VAV3: variants seen among roughly 807,000 people sequenced by gnomAD.
VAV3 encodes vav guanine nucleotide exchange factor 3.
A neutral mutation model predicts 131.2 loss-of-function variants in VAV3; 94 were observed. That is an observed-to-expected ratio of 0.72 (90% CI 0.61 to 0.85). The LOEUF is 0.85. Ranked by LOEUF, VAV3 falls within the 40% of genes least tolerant of loss-of-function variation. VAV3 has a pLI of 0.00. For missense variants in VAV3, 939 were observed against 1,002.7 expected, an observed-to-expected ratio of 0.94 and a Z score of 0.86; for synonymous variants, 349 against 342.0, an observed-to-expected ratio of 1.02 and a Z score of -0.22.
intron 2 of VAV3, among the ~76,000 whole-genome samples, chr1:107,834,267 A>G (rs1571016973): frequency 6.6e-6 from 1 of 152,060 alleles, no homozygotes; most frequent in Admixed American, 6.5e-5. Flanking sequence ...AACCACATAT[A>G]CCTGTTCTGA....
intron 25 of VAV3, among the ~76,000 whole-genome samples, chr1:107,588,844 A>G (rs2101040960): frequency 6.6e-6 from 1 of 152,296 alleles, no homozygotes; most frequent in African/African-American, 2.4e-5. Context: ...GAATTTCAGA[A>G]TTCTTAGGTT....
intron 2 of VAV3, among the ~76,000 whole-genome samples, chr1:107,790,743 A>G (rs1666247484): frequency 7.7e-6 from 1 of 129,214 alleles, no homozygotes; most frequent in African/African-American, 3.0e-5. Context: ...GCTGGAGTAC[A>G]GTTGCATGAT....
intron 2 of VAV3, among the ~76,000 whole-genome samples, chr1:107,796,799 A>AT (rs71741074): frequency 0.012 from 1,377 of 113,116 alleles, 22 homozygotes; most frequent in East Asian, 0.054. Context: ...GTAAAAAAAA[A>AT]AAAAAATATA....
At chr1:107,691,439 G>C (rs140379885) in intron 17 of VAV3, among the ~76,000 whole-genome samples, 9 of 152,214 alleles carry the variant, frequency 5.9e-5, no homozygotes, top group African/African-American at 2.2e-4. Context: ...TTCTGCAATA[G>C]AGCTGAGATA....
intron 2 of VAV3, among the ~76,000 whole-genome samples, chr1:107,854,447 C>T (rs556094326): frequency 6.6e-6 from 1 of 152,280 alleles, no homozygotes; most frequent in Non-Finnish European, 1.5e-5. Flanking sequence ...ATGGCTTCAA[C>T]AAAAAACAAT....
At chr1:107,668,452 C>T (rs529786487) in intron 19 of VAV3, among the ~76,000 whole-genome samples, 177 of 152,324 alleles carry the variant, frequency 1.2e-3, no homozygotes, top group African/African-American at 3.9e-3. Context: ...ATACCTCTCA[C>T]AGCTTTGTTG....
chr1:107,960,159 A>AAAGT lies in VAV3; in HGVS notation c.204+4503_204+4506dup, dbSNP rs1055712553. ...CCAGTCTGTTCTCAATGCAGTAGCCAAAGTAACTGTAGGAAAGGTAAATCA... is the reference window on the plus strand; with the variant it reads ...CCAGTCTGTTCTCAATGCAGTAGCCAAAGTAAGTAACTGTAGGAAAGGTAAATCA... On this transcript the variant is annotated intron_variant, in intron 1 of 26. Coordinates refer to ENST00000370056, the MANE Select transcript of VAV3 (RefSeq NM_006113.5). Among the ~76,000 whole-genome samples the AAAGT allele has an allele frequency of 7.9e-4, 121 of 152,318 alleles. 1 individual carries two copies. The highest frequency in any genetic ancestry group is 2.9e-3 in the African/African-American group (120 of 41,564).
intron 1 of VAV3, among the ~76,000 whole-genome samples, chr1:107,945,552 G>A (rs192016364): frequency 2.6e-5 from 4 of 152,022 alleles, no homozygotes; most frequent in South Asian, 2.1e-4. Context: ...GTCCAGGCGC[G>A]GTGGCTCATG....
chr1:107,574,344 C>T, intron 25 of VAV3, 146 bp from the exon 26 acceptor site: 1 of 976,358 alleles, frequency 1.0e-6, no homozygotes, highest in East Asian at 2.8e-5. Context: ...AGCTTGAAAG[C>T]AGCAGAATTG....
intron 2 of VAV3, among the ~76,000 whole-genome samples, chr1:107,867,822 C>A (rs1033650310): frequency 6.6e-6 from 1 of 152,100 alleles, no homozygotes; most frequent in East Asian, 1.9e-4. Flanking sequence ...ATCCCAAATG[C>A]CGCTCTGAGA....
At chr1:107,688,125 G>A (rs1176286011) in intron 18 of VAV3, among the ~76,000 whole-genome samples, 2 of 152,176 alleles carry the variant, frequency 1.3e-5, no homozygotes, top group Non-Finnish European at 2.9e-5. Flanking sequence ...TGTACTTACA[G>A]TCCCATTTCA....
chr1:107,621,880 T>C (rs1186536588), intron 20 of VAV3, among the ~76,000 whole-genome samples: 1 of 152,196 alleles, frequency 6.6e-6, no homozygotes, highest in African/African-American at 2.4e-5. Context: ...CTGCAGGGCA[T>C]CTCTGTACTA....
intron 22 of VAV3, among the ~76,000 whole-genome samples, chr1:107,604,686 C>G (rs1652134355): frequency 6.6e-6 from 1 of 152,182 alleles, no homozygotes. Context: ...CTTGTACTAC[C>G]TACTCCATTA....
intron 2 of VAV3, among the ~76,000 whole-genome samples, chr1:107,853,451 G>T (rs982924832): frequency 1.3e-4 from 20 of 152,038 alleles, no homozygotes; most frequent in Non-Finnish European, 2.5e-4. Context: ...TTTGCCATAT[G>T]TGCCTTTTAC....
At chr1:107,605,925 C>A (rs1011347376) in intron 22 of VAV3, among the ~76,000 whole-genome samples, 2 of 152,126 alleles carry the variant, frequency 1.3e-5, no homozygotes, top group African/African-American at 4.8e-5. Flanking sequence ...TGAATTAAGA[C>A]AACCACATAA....
At chr1:107,927,845 G>A (rs1291956641) in intron 1 of VAV3, among the ~76,000 whole-genome samples, 1 of 152,184 alleles carries the variant, frequency 6.6e-6, no homozygotes, top group South Asian at 2.1e-4. Context: ...CCTGGGGCCT[G>A]GGGGAACTTG....
intron 1 of VAV3, among the ~76,000 whole-genome samples, chr1:107,951,841 G>A (rs1307673120): frequency 1.3e-5 from 2 of 151,996 alleles, no homozygotes; most frequent in African/African-American, 4.8e-5. Context: ...CAAGATTATG[G>A]AGAAAAAGAA....
chr1:107,632,642 T>C (rs1453180038), intron 20 of VAV3, among the ~76,000 whole-genome samples: 1 of 152,182 alleles, frequency 6.6e-6, no homozygotes, highest in Non-Finnish European at 1.5e-5. Flanking sequence ...CTCAAACATA[T>C]TACTGGCTGC....
At chr1:107,848,452 T>A (rs1010373213) in intron 2 of VAV3, among the ~76,000 whole-genome samples, 14 of 151,902 alleles carry the variant, frequency 9.2e-5, no homozygotes, top group African/African-American at 3.4e-4. Context: ...ATCCATCACA[T>A]AAACAGAACC....
Sources: allele counts gnomAD v4.1 joint callset (sites outside exome capture counted in the v4.1 genomes callset), GRCh38; gene constraint gnomAD v4.1.1; transcripts MANE v1.5; gene names NCBI Gene and HGNC (gene_info 2026-07-23, HGNC 2026-07-21).